PGM2L1: variants seen among roughly 807,000 people sequenced by gnomAD.
PGM2L1 encodes the protein phosphoglucomutase 2 like 1, also known as glucose 1,6-bisphosphate synthase.
A neutral mutation model predicts 73.4 loss-of-function variants in PGM2L1; 35 were observed. The ratio of observed to expected loss-of-function variants is 0.48; its 90% CI spans 0.36 to 0.63. The LOEUF (loss-of-function observed/expected upper bound fraction) is 0.63. PGM2L1 is among the 30% of genes least tolerant of loss of function. The pLI, the probability that PGM2L1 is intolerant of heterozygous loss-of-function variation, is 0.00. For missense variants in PGM2L1, 570 were observed against 742.0 expected (o/e 0.77, Z 2.69); for synonymous variants, 225 against 253.8 (o/e 0.89, Z 1.08).
Position 74,345,653 on chromosome 11 carries a change from T to C in PGM2L1, c.1038-4A>G, listed in dbSNP as rs368794509. 1.8e-4 allele frequency: 296 copies of C among 1,612,108 alleles called. No homozygotes were observed. The highest frequency in any genetic ancestry group is 2.3e-4 in the Non-Finnish European group (273 of 1,178,672). Reference sequence around the variant, plus strand: ...TGTGAAAACTTTCCAACAACCACTGTAGAGAGAAGGAAAATACAATGTCAA... The same window carrying C: ...TGTGAAAACTTTCCAACAACCACTGCAGAGAGAAGGAAAATACAATGTCAA... On this transcript the variant is annotated splice_region_variant and splice_polypyrimidine_tract_variant and intron_variant, in intron 8 of 13. Coordinates refer to ENST00000298198, the MANE Select transcript of PGM2L1 (RefSeq NM_173582.6).
chr11:74,347,868 C>T lies in PGM2L1; in HGVS notation c.750-531G>A, dbSNP rs936690255. On this transcript the variant is annotated intron_variant, in intron 6 of 13. Coordinates refer to ENST00000298198, the MANE Select transcript of PGM2L1 (RefSeq NM_173582.6). Reference sequence around the variant, plus strand: ...GAATAAATCTCACAAAAGGATTGAACAGCTTCACTCTGAATGGACACCCAA... The same window carrying T: ...GAATAAATCTCACAAAAGGATTGAATAGCTTCACTCTGAATGGACACCCAA... Among the ~76,000 whole-genome samples the T allele has an allele frequency of 2.5e-4, 38 of 152,160 alleles. 1 individual carries two copies. The highest frequency in any genetic ancestry group is 9.8e-4 in the Admixed American group (15 of 15,274).
rs539171375 is a variant in PGM2L1, at chr11:74,331,360, T to G, written c.*5292A>C. On this transcript the variant is annotated 3_prime_UTR_variant, in exon 14 of 14. Transcript: ENST00000298198. ...TCACCACAACCTCCACCTCCTGGGTTCAAGTGATTCTCCTGCCTCAGCCTC... is the reference window on the plus strand; with the variant it reads ...TCACCACAACCTCCACCTCCTGGGTGCAAGTGATTCTCCTGCCTCAGCCTC... 1 of 151,478 alleles carries G rather than the reference T, an allele frequency of 6.6e-6. No homozygotes were observed. Among genetic ancestry groups the G allele is most frequent in the Non-Finnish European group, 1.5e-5 (1 of 68,076 alleles). The allele number at this position is 151,478 out of a possible 1,614,324, so 9.4% of individuals were successfully genotyped here. A position where few individuals can be genotyped will look rare whatever the true frequency, so the allele number is the denominator to read the frequency against.
At chr11:74,376,217 T>C (rs1591186173) in intron 1 of PGM2L1, among the ~76,000 whole-genome samples, 1 of 152,268 alleles carries the variant, frequency 6.6e-6, no homozygotes, top group African/African-American at 2.4e-5. Context: ...TTATTATTAA[T>C]ATTACTATTG....
intron 13 of PGM2L1, among the ~76,000 whole-genome samples, chr11:74,337,628 C>T (rs1862117702): frequency 6.6e-6 from 1 of 152,162 alleles, no homozygotes; most frequent in Non-Finnish European, 1.5e-5. Flanking sequence ...AGTCACAATT[C>T]ATCCTCTTAA....
intron 1 of PGM2L1, among the ~76,000 whole-genome samples, chr11:74,396,128 A>C (rs1355685748): frequency 1.3e-5 from 2 of 151,666 alleles, no homozygotes; most frequent in African/African-American, 4.8e-5. Flanking sequence ...GCGTGGTGGC[A>C]TGTGCCTGTA....
At chr11:74,351,621 C>T in intron 5 of PGM2L1, 45 bp from the exon 6 acceptor site, 2 of 1,479,084 alleles carry the variant, frequency 1.4e-6, no homozygotes, top group South Asian at 1.3e-5. Flanking sequence ...AAATGCTTGC[C>T]AGATCTTTTC....
rs1862089728 is a variant in PGM2L1, at chr11:74,335,985, G to A, written c.*667C>T. The A allele has an allele frequency of 6.6e-6, 1 of 152,558 alleles. No individual in the cohort carries two copies. The allele number at this position is 152,558 out of a possible 1,614,324, so 9.5% of individuals were successfully genotyped here. A position where few individuals can be genotyped will look rare whatever the true frequency, so the allele number is the denominator to read the frequency against. Reference sequence around the variant, plus strand: ...TGATAAGAACAAAGCCAATAGGAGTGTTGCCACTATTGTTTTATGTTCAGT... The same window carrying A: ...TGATAAGAACAAAGCCAATAGGAGTATTGCCACTATTGTTTTATGTTCAGT... On this transcript the variant is annotated 3_prime_UTR_variant, in exon 14 of 14. Coordinates refer to ENST00000298198, the MANE Select transcript of PGM2L1 (RefSeq NM_173582.6).
intron 12 of PGM2L1, among the ~76,000 whole-genome samples, chr11:74,341,624 AG>A (rs1862183346): frequency 6.7e-6 from 1 of 148,736 alleles, no homozygotes; most frequent in Non-Finnish European, 1.5e-5. Flanking sequence ...CCTGGGAGGC[AG>A]AGGTTGCAGT....
chr11:74,346,270 C>CAAAAAAAAAAAAAA (rs751742460), intron 8 of PGM2L1, among the ~76,000 whole-genome samples: 4 of 57,876 alleles, frequency 6.9e-5, no homozygotes, highest in Non-Finnish European at 9.1e-5. Context: ...ACTATGTCTC[C>CAAAAAAAAAAAAAA]AAAAAAAAAA....
At chr11:74,372,218 C>A (rs1862775423) in intron 2 of PGM2L1, among the ~76,000 whole-genome samples, 1 of 151,626 alleles carries the variant, frequency 6.6e-6, no homozygotes, top group Non-Finnish European at 1.5e-5. Context: ...GTCTTAAGTC[C>A]TTGCTAGATC....
chr11:74,388,737 C>A (rs1368599156), intron 1 of PGM2L1, among the ~76,000 whole-genome samples: 1 of 152,136 alleles, frequency 6.6e-6, no homozygotes, highest in Non-Finnish European at 1.5e-5. Context: ...AAGATACACT[C>A]CTCATTAAAT....
intron 5 of PGM2L1, among the ~76,000 whole-genome samples, chr11:74,364,162 C>T (rs906113614): frequency 6.6e-5 from 10 of 152,326 alleles, no homozygotes; most frequent in African/African-American, 2.4e-4. Flanking sequence ...CAAAATTCAA[C>T]AGCCCTTCAT....
At chr11:74,359,165 T>C (rs775827096) in intron 5 of PGM2L1, among the ~76,000 whole-genome samples, 91 of 152,246 alleles carry the variant, frequency 6.0e-4, no homozygotes, top group Non-Finnish European at 8.2e-4. Flanking sequence ...AAAATCTATA[T>C]AGATGAATCA....
chr11:74,361,026 T>C (rs1862554886), intron 5 of PGM2L1, among the ~76,000 whole-genome samples: 1 of 152,214 alleles, frequency 6.6e-6, no homozygotes. Context: ...TAAATGTCCC[T>C]GTCTGACAGC....
At chr11:74,393,401 A>G (rs890977692) in intron 1 of PGM2L1, among the ~76,000 whole-genome samples, 1 of 152,194 alleles carries the variant, frequency 6.6e-6, no homozygotes, top group Non-Finnish European at 1.5e-5. Context: ...ACCTTTGTAC[A>G]GGTATGTCAT....
rs191116609 is a variant in PGM2L1, at chr11:74,360,583, C to T, written c.555+7909G>A. ...GGGCAGGACAGTGGGTGCAGCCCATCGAGTGTGAGTCGAAGCAGGGTGACA... is the reference window on the plus strand; with the variant it reads ...GGGCAGGACAGTGGGTGCAGCCCATTGAGTGTGAGTCGAAGCAGGGTGACA... On this transcript the variant is annotated intron_variant, in intron 5 of 13. Transcript: ENST00000298198. 4.4e-3 allele frequency among the ~76,000 whole-genome samples: 677 copies of T among 152,222 alleles called. 6 individuals are homozygous for T. Among genetic ancestry groups the T allele is most frequent in the African/African-American group, 0.016 (651 of 41,542 alleles).
At chr11:74,390,326 T>C (rs902525307) in intron 1 of PGM2L1, among the ~76,000 whole-genome samples, 3 of 152,182 alleles carry the variant, frequency 2.0e-5, no homozygotes, top group African/African-American at 7.2e-5. Flanking sequence ...ACTGTGTAGT[T>C]TTTCCACACC....
chr11:74,374,162 C>T (rs1319648434), intron 2 of PGM2L1, among the ~76,000 whole-genome samples: 1 of 151,766 alleles, frequency 6.6e-6, no homozygotes, highest in Non-Finnish European at 1.5e-5. Flanking sequence ...CGGCTCACTG[C>T]AACCTCCGAC....
chr11:74,378,797 T>A (rs934226326), intron 1 of PGM2L1, among the ~76,000 whole-genome samples: 1 of 152,142 alleles, frequency 6.6e-6, no homozygotes, highest in Non-Finnish European at 1.5e-5. Context: ...AAAAATTAAC[T>A]TCTTACAAAC....
Sources: allele counts gnomAD v4.1 joint callset (sites outside exome capture counted in the v4.1 genomes callset), GRCh38; gene constraint gnomAD v4.1.1; transcripts MANE v1.5; gene names NCBI Gene and HGNC (gene_info 2026-07-23, HGNC 2026-07-21).